The following XRN1 variants were observed in gnomAD, a reference collection of about 807,000 sequenced individuals.
The protein encoded by XRN1 is 5'-3' exoribonuclease 1.
A neutral mutation model predicts 222.3 loss-of-function variants in XRN1; 67 were observed. The ratio of observed to expected loss-of-function variants is 0.30; its 90% confidence interval spans 0.25 to 0.37. XRN1 has a LOEUF of 0.37. Ranked by LOEUF, XRN1 falls within the 10% of genes least tolerant of loss-of-function variation. XRN1 has a pLI of 1.00. For synonymous variants in XRN1, 643 were observed against 652.4 expected, an observed-to-expected ratio of 0.99 and a Z score of 0.22; for missense variants, 1,707 against 2,000.2, an observed-to-expected ratio of 0.85 and a Z score of 2.80.
rs1256771330 is a variant in XRN1 at position 142,310,263 on chromosome 3, C to G, written c.*1248G>C. On this transcript the variant is annotated 3_prime_UTR_variant, in exon 41 of 41. Transcript: ENST00000392981. ...CTCCATATAAAGATTGTGGTTCCTA[C>G]TTTTAAAAAAGTATGCTATAACTTA... 1 of 152,308 alleles carries G rather than the reference C, an allele frequency of 6.6e-6. No homozygotes were observed. Among genetic ancestry groups the G allele is most frequent in the Non-Finnish European group, 1.5e-5 (1 of 67,972 alleles). 9.4% of individuals were successfully genotyped at this position (152,308 alleles called of 1,614,324 possible). A position where few individuals can be genotyped will look rare whatever the true frequency, so the allele number is the denominator to read the frequency against.
At chr3:142,406,308 A>C (rs2068334912) in intron 15 of XRN1, among the ~76,000 whole-genome samples, 1 of 152,226 alleles carries the variant, frequency 6.6e-6, no homozygotes, top group Admixed American at 6.5e-5. Flanking sequence ...CATATGCAGA[A>C]GAATAAAACT....
intron 32 of XRN1, among the ~76,000 whole-genome samples, chr3:142,352,437 CTTAA>C (rs935187317): frequency 1.3e-5 from 2 of 152,024 alleles, no homozygotes; most frequent in African/African-American, 4.8e-5. Flanking sequence ...ATCTTGTCAC[CTTAA>C]TTTTTTTCTT....
chr3:142,322,864 G>A lies in XRN1; in HGVS notation c.4405-3961C>T, dbSNP rs779812021. 3.9e-4 allele frequency among the ~76,000 whole-genome samples: 59 copies of A among 151,980 alleles called. 1 individual carries two copies. The highest frequency in any genetic ancestry group is 5.2e-4 in the Admixed American group (8 of 15,260). ...TTAAAAATACATAACTTAGCCGAGC[G>A]TGGTGGCATGCACCTGTAATCCCAG... On this transcript the variant is annotated intron_variant, in intron 37 of 40. Coordinates refer to ENST00000392981, the MANE Select transcript of XRN1 (RefSeq NM_001282857.2).
intron 19 of XRN1, among the ~76,000 whole-genome samples, chr3:142,398,032 A>G (rs1397683525): frequency 2.6e-5 from 4 of 152,180 alleles, no homozygotes; most frequent in Non-Finnish European, 1.5e-5. Flanking sequence ...ACTTGAGGCC[A>G]GAAATTCAAG....
At chr3:142,371,408 C>A in intron 25 of XRN1, 80 bp from the exon 26 acceptor site, 1 of 1,013,702 alleles carries the variant, frequency 9.9e-7, no homozygotes, top group Non-Finnish European at 1.4e-6. Context: ...AATTTCAGAT[C>A]CTAAAGAAAC....
In XRN1 at chr3:142,422,779, T is replaced by A. The variant is rs1379645374; in HGVS notation, c.799-29A>T. On this transcript the variant is annotated intron_variant, in intron 7 of 40. Coordinates refer to ENST00000392981, the MANE Select transcript of XRN1 (RefSeq NM_001282857.2). ...CAGTAAAATAGAGAACAAAGTCAAATCCAGTGAAAATTTCTGCAATGGAAA... is the reference window on the plus strand; with the variant it reads ...CAGTAAAATAGAGAACAAAGTCAAAACCAGTGAAAATTTCTGCAATGGAAA... The A allele has an allele frequency of 1.9e-6, 3 of 1,605,846 alleles. No individual in the cohort carries two copies. The Admixed American group carries it at 5.1e-5, about 27-fold the overall frequency.
intron 15 of XRN1, among the ~76,000 whole-genome samples, chr3:142,408,449 T>C (rs544419833): frequency 5.9e-5 from 9 of 152,328 alleles, no homozygotes; most frequent in African/African-American, 2.2e-4. Context: ...AGCTGTGTTG[T>C]GCACCTGCAT....
intron 15 of XRN1, among the ~76,000 whole-genome samples, chr3:142,409,575 G>A (rs1013053111): frequency 6.6e-6 from 1 of 152,088 alleles, no homozygotes; most frequent in African/African-American, 2.4e-5. Flanking sequence ...GTGGCTTCAT[G>A]GTTAGTCTGG....
intron 32 of XRN1, among the ~76,000 whole-genome samples, chr3:142,351,905 TAA>T (rs36045093): frequency 3.2e-4 from 44 of 137,058 alleles, no homozygotes; most frequent in Non-Finnish European, 3.2e-4. Flanking sequence ...TTTTTTAAGT[TAA>T]AAAAAAAAAA....
chr3:142,354,085 T>C (rs1370519040), intron 32 of XRN1, among the ~76,000 whole-genome samples: 1 of 152,112 alleles, frequency 6.6e-6, no homozygotes, highest in Non-Finnish European at 1.5e-5. Flanking sequence ...AGAAAATTTA[T>C]ATTTTAATTA....
chr3:142,329,046 T>C (rs913616237), intron 37 of XRN1, among the ~76,000 whole-genome samples: 8 of 151,820 alleles, frequency 5.3e-5, no homozygotes, highest in African/African-American at 1.9e-4. Flanking sequence ...GCATGACCCA[T>C]TACAACTGGC....
intron 25 of XRN1, among the ~76,000 whole-genome samples, chr3:142,373,273 T>C (rs1009771921): frequency 1.1e-4 from 16 of 151,870 alleles, no homozygotes; most frequent in African/African-American, 3.9e-4. Context: ...TGATAAACAA[T>C]AAAGTTGAAT....
chr3:142,310,552 A>G lies in XRN1; in HGVS notation c.*959T>C, dbSNP rs1185815961. ...CTGATGACTGTGCCTCCTATATTGTAGCACACCTTGGAACTTAAACAACAA... is the reference window on the plus strand; with the variant it reads ...CTGATGACTGTGCCTCCTATATTGTGGCACACCTTGGAACTTAAACAACAA... On this transcript the variant is annotated 3_prime_UTR_variant, in exon 41 of 41. Transcript: ENST00000392981. 6.6e-6 allele frequency: 1 copy of G among 152,608 alleles called. No homozygotes were observed. Among genetic ancestry groups the G allele is most frequent in the Non-Finnish European group, 1.5e-5 (1 of 68,018 alleles). 9.5% of individuals were successfully genotyped at this position (152,608 alleles called of 1,614,324 possible).
chr3:142,332,251 C>T (rs2065720085), intron 36 of XRN1, 124 bp downstream of exon 36: 1 of 833,680 alleles, frequency 1.2e-6, no homozygotes, highest in South Asian at 2.1e-5. Context: ...AAGACACCAT[C>T]TCTAAAATAA....
chr3:142,323,637 G>A (rs1014603704), intron 37 of XRN1, among the ~76,000 whole-genome samples: 12 of 152,218 alleles, frequency 7.9e-5, no homozygotes, highest in Admixed American at 1.3e-4. Context: ...TAAGCAGACA[G>A]GAGAATCTAG....
Position 142,330,739 on chromosome 3 carries a change from T to G in XRN1, c.4223-1124A>C, listed in dbSNP as rs79039662. On this transcript the variant is annotated intron_variant, in intron 36 of 40. Transcript: ENST00000392981. ...TCACTATAATAAATAATCAGGTTCC[T>G]AATATTTTTTGGAATTTTTAATTAA... Among the ~76,000 whole-genome samples the G allele has an allele frequency of 1.8e-3, 274 of 152,274 alleles. 8 individuals carry two copies. The East Asian group carries it at 0.042, about 23-fold the overall frequency.
chr3:142,330,584 A>T (rs2065666307), intron 36 of XRN1, among the ~76,000 whole-genome samples: 1 of 149,348 alleles, frequency 6.7e-6, no homozygotes, highest in Admixed American at 6.6e-5. Flanking sequence ...AAGACTCTAA[A>T]GCCTATGAGT....
At chr3:142,404,233 T>C (rs972062870) in intron 16 of XRN1, among the ~76,000 whole-genome samples, 1 of 152,082 alleles carries the variant, frequency 6.6e-6, no homozygotes, top group African/African-American at 2.4e-5. Flanking sequence ...CAAAACTATA[T>C]ATATAAATTT....
At chr3:142,400,000 G>A (rs1489518688) in intron 19 of XRN1, among the ~76,000 whole-genome samples, 3 of 151,854 alleles carry the variant, frequency 2.0e-5, no homozygotes, top group Non-Finnish European at 2.9e-5. Context: ...TGATATAAAC[G>A]ATTGTGAATT....
Sources: allele counts gnomAD v4.1 joint callset (sites outside exome capture counted in the v4.1 genomes callset), GRCh38; gene constraint gnomAD v4.1.1; transcripts MANE v1.5; gene names NCBI Gene and HGNC (gene_info 2026-07-23, HGNC 2026-07-21).